The following HYAL3 variants were observed in gnomAD, a reference collection of about 807,000 sequenced individuals.
The protein encoded by HYAL3 is hyaluronidase-3.
Under a neutral mutation model 29.6 loss-of-function variants are expected in HYAL3, and 25 were observed. The ratio of observed to expected loss-of-function variants is 0.85; its 90% CI spans 0.62 to 1.18. The LOEUF (loss-of-function observed/expected upper bound fraction) is 1.18, where lower values mean the gene tolerates loss of function less well. HYAL3 is among the 50% of genes most tolerant of loss of function. The pLI, the probability that HYAL3 is intolerant of heterozygous loss-of-function variation, is 0.00. For synonymous variants in HYAL3, 215 were observed against 218.3 expected (o/e 0.99, Z 0.13); for missense variants, 442 against 548.4 (o/e 0.81, Z 1.94).
intron 1 of HYAL3, chr3:50,298,837 T>A: frequency 8.2e-7 from 1 of 1,213,696 alleles, no homozygotes; most frequent in Non-Finnish European, 1.0e-6. Context: ...CAGCCACCTC[T>A]GCAGCAGCCG....
Position 50,293,374 on chromosome 3 carries a change from C to T in HYAL3, c.1126G>A (p.Glu376Lys), listed in dbSNP as rs1701731094. Reference protein sequence around the residue: ...RCARRDPGQMEAFLHLWPDGS... With the variant: ...RCARRDPGQMKAFLHLWPDGS... ...TCTGGCCACAGGTGTAGAAAGGCTT[C>T]CATCTGTCCTGGATCTCGCCGGGCA... The change falls in exon 4 of 4, where the codon GAA (glutamate) becomes AAA (lysine). Residue 376 changes from glutamate (E) to lysine (K), a missense_variant. Coordinates refer to ENST00000336307, the MANE Select transcript of HYAL3 (RefSeq NM_003549.4). 2 of 1,613,636 alleles carry T rather than the reference C, an allele frequency of 1.2e-6. No homozygotes were observed. The highest frequency in any genetic ancestry group is 1.7e-6 in the Non-Finnish European group (2 of 1,180,038).
intron 2 of HYAL3, 43 bp from the exon 3 acceptor site, chr3:50,293,764 T>C: frequency 6.5e-7 from 1 of 1,538,964 alleles, no homozygotes; most frequent in Non-Finnish European, 9.0e-7. Context: ...GCTGGCCAGA[T>C]CCATGTGGGC....
At chr3:50,296,275 G>T in intron 1 of HYAL3, 1 of 367,480 alleles carries the variant, frequency 2.7e-6, no homozygotes, top group Non-Finnish European at 4.9e-6. Context: ...TAAAGGCAAA[G>T]GACAGGCATC....
At position 50,299,285 on chromosome 3, in the gene HYAL3, T is replaced by A; in HGVS notation, c.-90A>T. On this transcript the variant is annotated 5_prime_UTR_variant, in exon 1 of 4. Transcript: ENST00000336307. ...CTGGGTATCTCACTCAGTCGCCACC[T>A]CGGACTCCTCGGTCCGACAACGTTG... 2.5e-6 allele frequency: 4 copies of A among 1,612,956 alleles called. No homozygotes were observed. The highest frequency in any genetic ancestry group is 3.4e-6 in the Non-Finnish European group (4 of 1,179,824).
At position 50,295,166 on chromosome 3, in the gene HYAL3, T is replaced by G. The variant is rs1701791387; in HGVS notation, c.437A>C (p.Gln146Pro). 2 of 1,613,506 alleles carry G rather than the reference T, an allele frequency of 1.2e-6. No homozygotes were observed. The highest frequency in any genetic ancestry group is 1.7e-6 in the Non-Finnish European group (2 of 1,180,026). Residue 146 changes from glutamine to proline, a missense_variant, in exon 2 of 4, where the codon CAG becomes CCG. Gln to Pro is a moderately conservative substitution (Grantham distance 76). Coordinates refer to ENST00000336307, the MANE Select transcript of HYAL3 (RefSeq NM_003549.4). ...AGNWGRRRAY[Q>P]AASWAWAQQV... The stretch of plus-strand genomic sequence containing the variant: ...CTGTGCCCAAGCCCAAGAGGCTGCC[T>G]GATAAGCTCGGCGGCGGCCCCAGTT...
At chr3:50,298,920 T>G (rs1456030083) in intron 1 of HYAL3, 1 of 1,382,278 alleles carries the variant, frequency 7.2e-7, no homozygotes, top group Non-Finnish European at 9.4e-7. Context: ...CCCGCGGCCT[T>G]AACCCCTTCA....
Position 50,295,021 on chromosome 3 carries a change from A to G in HYAL3, c.582T>C (p.His194=). ...GGTAGTGATAGAAGCCCCAGAGTCCATGGGGCCGTAGTGCCTGGGCCACCC... is the reference window on the plus strand; with the variant it reads ...GGTAGTGATAGAAGCCCCAGAGTCCGTGGGGCCGTAGTGCCTGGGCCACCC... The part of the protein sequence containing the change: ...TLRVAQALRP[H]GLWGFYHYPA... Residue 194 remains histidine (H), a synonymous_variant, in exon 2 of 4, where the codon CAT becomes CAC. Coordinates refer to ENST00000336307, the MANE Select transcript of HYAL3 (RefSeq NM_003549.4). The G allele has an allele frequency of 6.2e-7, 1 of 1,613,412 alleles. No individual in the cohort carries two copies. Among genetic ancestry groups the G allele is most frequent in the Non-Finnish European group, 8.5e-7 (1 of 1,179,936 alleles).
chr3:50,296,954 G>A, intron 1 of HYAL3: 2 of 1,603,260 alleles, frequency 1.2e-6, no homozygotes, highest in Non-Finnish European at 1.7e-6. Context: ...GATGCAGCTT[G>A]CGGAAGCCCC....
In HYAL3 at chr3:50,297,030, C is replaced by G; in HGVS notation, c.-17-1411G>C. 1 of 1,539,934 alleles carries G rather than the reference C, an allele frequency of 6.5e-7. No individual in the cohort carries two copies. Among genetic ancestry groups the G allele is most frequent in the Non-Finnish European group, 8.7e-7 (1 of 1,146,828 alleles). On this transcript the variant is annotated intron_variant, in intron 1 of 3. Transcript: ENST00000336307. This position sits in a 1 kb window ranked among gnomAD's most constrained non-coding sequence, Gnocchi z 4.3. ...GCCAAAGCCACGGCCCCTCAGGGCC[C>G]GGGCCACCACCACTGTCTCCACTAA...
chr3:50,297,073 T>C lies in HYAL3; in HGVS notation c.-17-1454A>G. 6.5e-7 allele frequency: 1 copy of C among 1,538,110 alleles called. No individual in the cohort carries two copies. The highest frequency in any genetic ancestry group is 1.4e-5 in the African/African-American group (1 of 72,580). On this transcript the variant is annotated intron_variant, in intron 1 of 3. Transcript: ENST00000336307. This position sits in a 1 kb window ranked among gnomAD's most constrained non-coding sequence, Gnocchi z 4.3. ...TCCACTAAGAGGCTCTGGGGCTGGTTCAGCACCCGTGACAGGCGGGCATGG... is the reference window on the plus strand; with the variant it reads ...TCCACTAAGAGGCTCTGGGGCTGGTCCAGCACCCGTGACAGGCGGGCATGG...
At position 50,297,422 on chromosome 3, in the gene HYAL3, CAG is replaced by C. The variant is rs782376458; in HGVS notation, c.-18+1789_-18+1790del. ...GCAGCTTTGGCTGGCACGCAGGATCCAGAGTCAGCTCAGCTGGGCTGGTACTC... is the reference window on the plus strand; with the variant it reads ...GCAGCTTTGGCTGGCACGCAGGATCCAGTCAGCTCAGCTGGGCTGGTACTC... On this transcript the variant is annotated intron_variant, in intron 1 of 3. Transcript: ENST00000336307. The surrounding 1 kb of genome is among the most constrained non-coding windows in gnomAD (Gnocchi z 4.3). 6.2e-7 allele frequency: 1 copy of C among 1,612,982 alleles called. No homozygotes were observed. Among genetic ancestry groups the C allele is most frequent in the African/African-American group, 1.3e-5 (1 of 75,028 alleles).
Position 50,292,958 on chromosome 3 carries a change from T to C in HYAL3, c.*288A>G. 1 of 1,538,492 alleles carries C rather than the reference T, an allele frequency of 6.5e-7. No homozygotes were observed. The highest frequency in any genetic ancestry group is 8.8e-7 in the Non-Finnish European group (1 of 1,141,806). ...CCCATCTGTGACCTCTCCATGGGCT[T>C]AGTGAGGTGTAGGCACAAAGCCCTA... On this transcript the variant is annotated 3_prime_UTR_variant, in exon 4 of 4. Coordinates refer to ENST00000336307, the MANE Select transcript of HYAL3 (RefSeq NM_003549.4).
intron 1 of HYAL3, among the ~76,000 whole-genome samples, chr3:50,298,318 T>C (rs1257479408): frequency 6.6e-6 from 1 of 152,060 alleles, no homozygotes; most frequent in Non-Finnish European, 1.5e-5. Flanking sequence ...CTGTCTTGAC[T>C]GCCTTCCCCA....
chr3:50,299,188 C>T, intron 1 of HYAL3, 25 bp downstream of exon 1: 1 of 1,614,166 alleles, frequency 6.2e-7, no homozygotes, highest in Middle Eastern at 1.7e-4. Context: ...CTACAGGCAG[C>T]AAATGGGAAG....
intron 1 of HYAL3, chr3:50,296,268 A>T: frequency 3.0e-6 from 1 of 334,144 alleles, no homozygotes; most frequent in Non-Finnish European, 5.5e-6. Context: ...TGGGGGGTAA[A>T]GGCAAAGGAC....
chr3:50,295,825 G>A, intron 1 of HYAL3: 1 of 573,238 alleles, frequency 1.7e-6, no homozygotes. Flanking sequence ...CGAGTGGCAG[G>A]TGCACACCAA....
Position 50,294,711 on chromosome 3 carries a change from G to A in HYAL3, c.892C>T (p.Gln298Ter). ...CCTAGACCTCAGCTTCCACTTACCT[G>A]GGACAGGAACCTCCCAGATCTCCGG... ...THRRSGRFLS[Q>*]DDLVQSIGVS... Residue 298 changes from glutamine to a stop codon, truncating the protein, a stop_gained and splice_region_variant, in exon 2 of 4, where the codon CAG becomes TAG. Transcript: ENST00000336307. LOFTEE classifies it high-confidence loss of function. 6.7e-7 allele frequency: 1 copy of A among 1,501,180 alleles called. No homozygotes were observed. The highest frequency in any genetic ancestry group is 8.9e-7 in the Non-Finnish European group (1 of 1,124,252). 93.0% of individuals were successfully genotyped at this position (1,501,180 alleles called of 1,614,324 possible).
chr3:50,293,353 G>C lies in HYAL3; in HGVS notation c.1147C>G (p.Pro383Ala). 6.2e-7 allele frequency: 1 copy of C among 1,613,502 alleles called. No individual in the cohort carries two copies. The highest frequency in any genetic ancestry group is 8.5e-7 in the Non-Finnish European group (1 of 1,180,036). ...GQMEAFLHLWPDGSLGDWKSF... is the reference protein window; with the variant it reads ...GQMEAFLHLWADGSLGDWKSF... The stretch of plus-strand genomic sequence containing the variant: ...TTCCAATCTCCAAGGCTGCCGTCTG[G>C]CCACAGGTGTAGAAAGGCTTCCATC... Residue 383 changes from proline (P) to alanine (A), a missense_variant, in exon 4 of 4, where the codon CCA becomes GCA. Physicochemically the swap from Pro to Ala is conservative, Grantham distance 27 (BLOSUM62 -1). Coordinates refer to ENST00000336307, the MANE Select transcript of HYAL3 (RefSeq NM_003549.4).
intron 1 of HYAL3, chr3:50,295,917 G>C (rs1701825404): frequency 1.1e-5 from 4 of 366,510 alleles, no homozygotes; most frequent in Non-Finnish European, 2.0e-5. Context: ...TCCCACAACT[G>C]TCACAAGTCC....
Sources: gnomAD v4.1 joint callset for allele counts (sites outside exome capture counted in the v4.1 genomes callset) on GRCh38, gnomAD v4.1.1 for gene constraint, Gnocchi (gnomAD v3.1) non-coding constraint, MANE v1.5 for transcripts, NCBI Gene and HGNC (gene_info 2026-07-23, HGNC 2026-07-21) for gene names.